Variants in LRMDA observed in about 807,000 individuals in gnomAD.
LRMDA encodes leucine rich melanocyte differentiation associated, also known as leucine-rich melanocyte differentiation-associated protein.
In LRMDA, 18 loss-of-function variants were observed where a neutral mutation model predicts 29.8. The observed-to-expected ratio is 0.60, with a 90% CI of 0.42 to 0.90. The LOEUF (loss-of-function observed/expected upper bound fraction) is 0.90, where lower values mean the gene tolerates loss of function less well. Ranked by LOEUF, LRMDA falls within the 40% of genes least tolerant of loss-of-function variation. LRMDA has a pLI of 0.00. For missense variants in LRMDA, 273 were observed against 273.9 expected (o/e 1.00, Z 0.02); for synonymous variants, 125 against 109.4 (o/e 1.14, Z -0.89).
chr10:75,878,273 GGTTTT>G (rs1564594533), intron 2 of LRMDA, among the ~76,000 whole-genome samples: 3 of 148,128 alleles, frequency 2.0e-5, no homozygotes, highest in Non-Finnish European at 3.0e-5. Flanking sequence ...ATTGGTGCAA[GGTTTT>G]ATTGAGTGGT....
At chr10:76,106,385 C>T (rs1052666024) in intron 5 of LRMDA, among the ~76,000 whole-genome samples, 2 of 152,178 alleles carry the variant, frequency 1.3e-5, no homozygotes, top group Non-Finnish European at 2.9e-5. Flanking sequence ...CACTGTAAAC[C>T]TATCAATAGC....
intron 2 of LRMDA, among the ~76,000 whole-genome samples, chr10:75,924,001 A>G (rs1239484558): frequency 6.6e-6 from 1 of 152,126 alleles, no homozygotes; most frequent in South Asian, 2.1e-4. Context: ...CCAGCAAAGG[A>G]GCTTTATTGA....
chr10:76,504,052 AT>A (rs556367076), intron 6 of LRMDA, among the ~76,000 whole-genome samples: 5 of 151,318 alleles, frequency 3.3e-5, no homozygotes, highest in African/African-American at 1.2e-4. Flanking sequence ...ATTTCAAAGA[AT>A]TTTTTTTATT....
chr10:76,258,357 T>C (rs1487838117), intron 5 of LRMDA, among the ~76,000 whole-genome samples: 1 of 152,212 alleles, frequency 6.6e-6, no homozygotes, highest in Non-Finnish European at 1.5e-5. Flanking sequence ...TACATATTTA[T>C]GGGATACCTA....
At chr10:75,538,139 G>A (rs1011698312) in intron 2 of LRMDA, among the ~76,000 whole-genome samples, 1 of 152,172 alleles carries the variant, frequency 6.6e-6, no homozygotes, top group Admixed American at 6.5e-5. Flanking sequence ...GAAACCTGAA[G>A]CTTTGTTAGC....
At chr10:76,126,958 A>G (rs753470779) in intron 5 of LRMDA, among the ~76,000 whole-genome samples, 9 of 152,354 alleles carry the variant, frequency 5.9e-5, no homozygotes, top group Admixed American at 2.0e-4. Flanking sequence ...ACCTGGCTGA[A>G]TGTTTCCCTG....
chr10:75,912,377 A>G (rs1360315580), intron 2 of LRMDA, among the ~76,000 whole-genome samples: 4 of 152,176 alleles, frequency 2.6e-5, no homozygotes, highest in Admixed American at 2.6e-4. Flanking sequence ...AAAGAAGAGA[A>G]TGGGTGACAG....
chr10:75,863,083 A>G (rs1377282371), intron 2 of LRMDA, among the ~76,000 whole-genome samples: 1 of 151,900 alleles, frequency 6.6e-6, no homozygotes, highest in Non-Finnish European at 1.5e-5. Context: ...TTGATTTATT[A>G]GATTCTCTGA....
At chr10:76,399,985 C>T (rs75873570) in intron 6 of LRMDA, among the ~76,000 whole-genome samples, 1,803 of 152,258 alleles carry the variant, frequency 0.012, 39 homozygotes, top group African/African-American at 0.04. Flanking sequence ...GTGAGATCTC[C>T]TCCCCTTATG....
intron 1 of LRMDA, among the ~76,000 whole-genome samples, chr10:75,431,989 T>C (rs1326909252): frequency 6.6e-6 from 1 of 152,130 alleles, no homozygotes; most frequent in African/African-American, 2.4e-5. Flanking sequence ...TCTCCCGTTC[T>C]CCCCACTTCC....
At chr10:76,267,391 A>G (rs1390669868) in intron 5 of LRMDA, among the ~76,000 whole-genome samples, 5 of 152,174 alleles carry the variant, frequency 3.3e-5, no homozygotes, top group Non-Finnish European at 5.9e-5. Flanking sequence ...ATGATATTCA[A>G]AGTGTTGTGC....
At chr10:76,285,114 C>A (rs1047313588) in intron 5 of LRMDA, among the ~76,000 whole-genome samples, 1 of 152,158 alleles carries the variant, frequency 6.6e-6, no homozygotes, top group African/African-American at 2.4e-5. Flanking sequence ...TCATGAATCT[C>A]TGATGCCTAG....
chr10:76,426,065 G>T (rs186277615), intron 6 of LRMDA, among the ~76,000 whole-genome samples: 4 of 152,096 alleles, frequency 2.6e-5, no homozygotes, highest in African/African-American at 9.7e-5. Context: ...ATAAACATAC[G>T]TGTGCATGTG....
chr10:75,807,896 G>A (rs1281662442), intron 2 of LRMDA, among the ~76,000 whole-genome samples: 1 of 152,166 alleles, frequency 6.6e-6, no homozygotes, highest in Non-Finnish European at 1.5e-5. Context: ...ATATTTCTGA[G>A]TAATGAGTTA....
chr10:75,732,472 G>A (rs566561611), intron 2 of LRMDA, among the ~76,000 whole-genome samples: 3 of 152,248 alleles, frequency 2.0e-5, no homozygotes, highest in East Asian at 1.9e-4. Context: ...CTTTTATCAC[G>A]ACAGATATAC....
At chr10:75,718,297 T>C (rs1196895654) in intron 2 of LRMDA, among the ~76,000 whole-genome samples, 3 of 152,234 alleles carry the variant, frequency 2.0e-5, no homozygotes, top group African/African-American at 4.8e-5. Context: ...TGGGTGTTTC[T>C]ATTTTGTCTG....
At chr10:76,205,329 G>T (rs1482787567) in intron 5 of LRMDA, among the ~76,000 whole-genome samples, 2 of 152,140 alleles carry the variant, frequency 1.3e-5, no homozygotes, top group African/African-American at 4.8e-5. Context: ...TTTCGAGGTG[G>T]ATTCAATTCT....
chr10:75,829,902 A>G lies in LRMDA; in HGVS notation c.132-206106A>G, dbSNP rs549371928. On this transcript the variant is annotated intron_variant, in intron 2 of 6. Coordinates refer to ENST00000611255, the MANE Select transcript of LRMDA (RefSeq NM_001305581.2). ...ATGTCAGTTGACTGCTTGTATCCCA[A>G]CTTCATCGTGAAAAGATGTTTTTCT... Among the ~76,000 whole-genome samples the G allele has an allele frequency of 6.9e-5, 10 of 145,576 alleles. No individual in the cohort carries two copies. The South Asian group carries it at 1.9e-3, about 28-fold the overall frequency.
At chr10:75,915,387 C>T (rs911130294) in intron 2 of LRMDA, among the ~76,000 whole-genome samples, 1 of 151,938 alleles carries the variant, frequency 6.6e-6, no homozygotes, top group Non-Finnish European at 1.5e-5. Flanking sequence ...CTGCCTGTCT[C>T]GGCCTCCCAA....
Sources: gnomAD v4.1 joint callset for allele counts (sites outside exome capture counted in the v4.1 genomes callset) on GRCh38, gnomAD v4.1.1 for gene constraint, MANE v1.5 for transcripts, NCBI Gene and HGNC (gene_info 2026-07-23, HGNC 2026-07-21) for gene names.